Variants in TCF12 observed in about 807,000 individuals in gnomAD.
TCF12 encodes DNA-binding protein HTF4.
A neutral mutation model predicts 86.0 loss-of-function variants in TCF12; 45 were observed. That is an observed-to-expected ratio of 0.52 (90% CI 0.41 to 0.67). The LOEUF (loss-of-function observed/expected upper bound fraction) is 0.67, where lower values mean the gene tolerates loss of function less well. Ranked by LOEUF, TCF12 falls within the 30% of genes least tolerant of loss-of-function variation. The probability of loss-of-function intolerance (pLI) is 0.00; values close to 1 mark genes in which losing one functional copy is unlikely to be tolerated. For synonymous variants in TCF12, 330 were observed against 299.6 expected (o/e 1.10, Z -1.05); for missense variants, 881 against 859.9 (o/e 1.02, Z -0.31).
In TCF12 at chr15:57,085,288, C is replaced by CT. The variant is rs1310537829; in HGVS notation, c.223-6500dup. On this transcript the variant is annotated intron_variant, in intron 4 of 20. Coordinates refer to ENST00000333725, the MANE Select transcript of TCF12 (RefSeq NM_207037.2). ...AATGTATGGACCTGGATGACAGAAT[C>CT]TATCTCCCTGTTAAGAAATTTTATT... Among the ~76,000 whole-genome samples, 3 of 152,316 alleles carry CT rather than the reference C, an allele frequency of 2.0e-5. No individual in the cohort carries two copies. The South Asian group carries it at 6.2e-4, about 32-fold the overall frequency.
chr15:57,170,994 A>G (rs1391090440), intron 6 of TCF12, among the ~76,000 whole-genome samples: 1 of 149,862 alleles, frequency 6.7e-6, no homozygotes, highest in Non-Finnish European at 1.5e-5. Context: ...CATGGACTAG[A>G]GTTCATGCTT....
Position 57,192,408 on chromosome 15 carries a change from A to G in TCF12, c.526+115A>G, listed in dbSNP as rs2057031339. The G allele has an allele frequency of 7.8e-6, 11 of 1,412,954 alleles. 1 individual carries two copies. The South Asian group carries it at 1.6e-4, about 20-fold the overall frequency. The allele number at this position is 1,412,954 out of a possible 1,614,324, so 87.5% of individuals were successfully genotyped here. On this transcript the variant is annotated intron_variant, in intron 7 of 20. Transcript: ENST00000333725. ...TTTTTTCTTTCCGTTTCTTTGTTTA[A>G]GACAGCGTCTCACTCTGTTACCCAT...
chr15:57,275,046 C>T (rs935326), intron 19 of TCF12, among the ~76,000 whole-genome samples: 59,520 of 151,968 alleles, frequency 0.39, 14,527 homozygotes, highest in Non-Finnish European at 0.54. Context: ...GCACCTAGAA[C>T]AGAAAATATG....
rs71113039 is a variant in TCF12 at position 56,946,798 on chromosome 15, C to CTTT, written c.148+25718_148+25720dup. Among the ~76,000 whole-genome samples, 47 of 113,540 alleles carry CTTT rather than the reference C, an allele frequency of 4.1e-4. 1 individual carries two copies. Among genetic ancestry groups the CTTT allele is most frequent in the South Asian group, 9.6e-4 (3 of 3,118 alleles). 74.5% of individuals were successfully genotyped at this position (113,540 alleles called of 152,430 possible). A position where few individuals can be genotyped will look rare whatever the true frequency, so the allele number is the denominator to read the frequency against. ...GCTTTTGTGAGTGAGTCTAAAGTAC[C>CTTT]TTTTTTTTTTTTTTTTTTTTGAGAC... On this transcript the variant is annotated intron_variant, in intron 3 of 20. Transcript: ENST00000333725.
chr15:57,271,773 G>A (rs1316366455), intron 18 of TCF12, among the ~76,000 whole-genome samples: 1 of 151,882 alleles, frequency 6.6e-6, no homozygotes, highest in African/African-American at 2.4e-5. Flanking sequence ...TTTTTGTTTT[G>A]GATCAGCTTT....
intron 6 of TCF12, among the ~76,000 whole-genome samples, chr15:57,175,097 A>T (rs2055812905): frequency 6.6e-6 from 1 of 152,216 alleles, no homozygotes; most frequent in South Asian, 2.1e-4. Flanking sequence ...CAGGATATAT[A>T]AAGCATTCCA....
intron 3 of TCF12, among the ~76,000 whole-genome samples, chr15:56,946,682 A>AT (rs2061011170): frequency 6.6e-6 from 1 of 150,392 alleles, no homozygotes; most frequent in African/African-American, 2.4e-5. Context: ...GGATTTTGTC[A>AT]TTTTTTGTTT....
chr15:56,945,230 G>T (rs1288936050), intron 3 of TCF12, among the ~76,000 whole-genome samples: 1 of 152,094 alleles, frequency 6.6e-6, no homozygotes, highest in Non-Finnish European at 1.5e-5. Flanking sequence ...TTTAAGATAT[G>T]TAGTCATGTT....
intron 3 of TCF12, among the ~76,000 whole-genome samples, chr15:57,021,190 G>C (rs770881507): frequency 6.6e-6 from 1 of 152,174 alleles, no homozygotes; most frequent in Non-Finnish European, 1.5e-5. Context: ...AGCATTTCTT[G>C]TTAGTCATTG....
chr15:57,010,546 G>T (rs1272435246), intron 3 of TCF12, among the ~76,000 whole-genome samples: 1 of 152,174 alleles, frequency 6.6e-6, no homozygotes, highest in Non-Finnish European at 1.5e-5. Flanking sequence ...CACTGGAAGA[G>T]GATTTTTTGA....
At chr15:57,134,807 G>T (rs1350046207) in intron 5 of TCF12, among the ~76,000 whole-genome samples, 1 of 151,542 alleles carries the variant, frequency 6.6e-6, no homozygotes, top group East Asian at 1.9e-4. Context: ...CTGTCAAGAG[G>T]TTGGAGCTTA....
At chr15:57,170,676 A>T (rs58253246) in intron 6 of TCF12, among the ~76,000 whole-genome samples, 2 of 5,084 alleles carry the variant, frequency 3.9e-4, no homozygotes, top group African/African-American at 5.0e-4. Flanking sequence ...TATATATATA[A>T]TATATTATAT....
intron 5 of TCF12, among the ~76,000 whole-genome samples, chr15:57,155,221 TTCATTCC>T (rs2054033232): frequency 6.6e-6 from 1 of 152,238 alleles, no homozygotes; most frequent in Non-Finnish European, 1.5e-5. Context: ...CCTTCCATCC[TTCATTCC>T]TCATTCCTCC....
At chr15:57,252,395 C>A in intron 14 of TCF12, 26 bp from the exon 15 acceptor site, 1 of 1,603,526 alleles carries the variant, frequency 6.2e-7, no homozygotes, top group Non-Finnish European at 8.5e-7. Flanking sequence ...TGTGCTTTGC[C>A]TCCTGTTCTG....
intron 20 of TCF12, among the ~76,000 whole-genome samples, chr15:57,284,838 T>A (rs528207395): frequency 2.0e-5 from 3 of 152,364 alleles, no homozygotes; most frequent in Admixed American, 6.5e-5. Context: ...TTTTACTACT[T>A]CTCTATTTCA....
chr15:57,275,327 GGTGTGTGTGTGTGTGTGTGT>G (rs1171707504), intron 19 of TCF12, among the ~76,000 whole-genome samples: 1 of 64,056 alleles, frequency 1.6e-5, no homozygotes, highest in African/African-American at 7.2e-5. Flanking sequence ...GTAAGGTAGG[GGTGTGTGTGTGTGTGTGTGT>G]GTGTGTGTGT....
intron 12 of TCF12, among the ~76,000 whole-genome samples, chr15:57,234,847 A>G (rs1297230726): frequency 6.6e-6 from 1 of 152,060 alleles, no homozygotes; most frequent in East Asian, 1.9e-4. Flanking sequence ...ACTTTAGATG[A>G]TTTTTTTTCT....
chr15:57,015,837 G>A (rs2585109), intron 3 of TCF12, among the ~76,000 whole-genome samples: 1,637 of 152,306 alleles, frequency 0.011, 34 homozygotes, highest in African/African-American at 0.037. Context: ...TCCAACCATT[G>A]TAAACAACAC....
At chr15:56,996,717 A>C (rs1271741657) in intron 3 of TCF12, among the ~76,000 whole-genome samples, 2 of 152,204 alleles carry the variant, frequency 1.3e-5, no homozygotes, top group Non-Finnish European at 2.9e-5. Context: ...GAATGGGAGA[A>C]AATATTCACA....
Sources: gnomAD v4.1 joint callset for allele counts (sites outside exome capture counted in the v4.1 genomes callset) on GRCh38, gnomAD v4.1.1 for gene constraint, MANE v1.5 for transcripts, NCBI Gene and HGNC (gene_info 2026-07-23, HGNC 2026-07-21) for gene names.